The following HS2ST1 variants were observed in gnomAD, a reference collection of about 807,000 sequenced individuals.
HS2ST1 encodes heparan sulfate 2-O-sulfotransferase 1, also known as 2-O-sulfotransferase.
HS2ST1 carries 18 observed loss-of-function variants against 42.9 expected under a neutral mutation model. That is an observed-to-expected ratio of 0.42 (90% CI 0.29 to 0.62). The LOEUF is 0.62. Ranked by LOEUF, HS2ST1 falls within the 20% of genes least tolerant of loss-of-function variation. The probability of loss-of-function intolerance (pLI) is 0.21; values close to 1 mark genes in which losing one functional copy is unlikely to be tolerated. For synonymous variants in HS2ST1, 146 were observed against 152.9 expected, an observed-to-expected ratio of 0.95 and a Z score of 0.33; for missense variants, 334 against 433.8, an observed-to-expected ratio of 0.77 and a Z score of 2.04.
chr1:86,985,991 T>A (rs918043528), intron 1 of HS2ST1, among the ~76,000 whole-genome samples: 1 of 151,742 alleles, frequency 6.6e-6, no homozygotes, highest in Non-Finnish European at 1.5e-5. Flanking sequence ...TTGCTTGACA[T>A]GTTAATGTGA....
intron 1 of HS2ST1, among the ~76,000 whole-genome samples, chr1:87,041,901 T>C (rs1331440327): frequency 6.6e-6 from 1 of 152,212 alleles, no homozygotes; most frequent in Non-Finnish European, 1.5e-5. Flanking sequence ...TCATTGTACA[T>C]ATGGGAGTGC....
intron 1 of HS2ST1, among the ~76,000 whole-genome samples, chr1:87,041,111 G>T (rs1650509147): frequency 6.6e-6 from 1 of 150,706 alleles, no homozygotes; most frequent in East Asian, 1.9e-4. Flanking sequence ...TCTGATTGTT[G>T]TTTACTTTTT....
chr1:86,939,578 G>T (rs1001190815), intron 1 of HS2ST1, among the ~76,000 whole-genome samples: 2 of 152,198 alleles, frequency 1.3e-5, no homozygotes, highest in East Asian at 1.9e-4. Flanking sequence ...TAGGAATCAT[G>T]TTGGAAGATT....
chr1:87,059,615 G>A (rs929177418), intron 1 of HS2ST1, among the ~76,000 whole-genome samples: 37 of 152,172 alleles, frequency 2.4e-4, no homozygotes, highest in Admixed American at 2.4e-3. Flanking sequence ...AAAGAAAGAA[G>A]CCTTGAAGTC....
chr1:87,056,050 G>T (rs952545038), intron 1 of HS2ST1, among the ~76,000 whole-genome samples: 3 of 152,104 alleles, frequency 2.0e-5, no homozygotes, highest in Non-Finnish European at 4.4e-5. Flanking sequence ...GTTGAGGCTT[G>T]GTCCCCATTG....
intron 1 of HS2ST1, among the ~76,000 whole-genome samples, chr1:87,020,558 G>A (rs1461286167): frequency 2.6e-5 from 4 of 152,146 alleles, no homozygotes; most frequent in Admixed American, 6.6e-5. Context: ...CTTTAGGTCT[G>A]TATTAGTTTG....
chr1:87,088,288 T>A (rs1175142589), intron 3 of HS2ST1, among the ~76,000 whole-genome samples: 1 of 152,076 alleles, frequency 6.6e-6, no homozygotes, highest in South Asian at 2.1e-4. Flanking sequence ...CAAGTAATCT[T>A]GGACAACTTT....
At chr1:87,087,642 CAT>C (rs1651846739) in intron 3 of HS2ST1, among the ~76,000 whole-genome samples, 1 of 152,098 alleles carries the variant, frequency 6.6e-6, no homozygotes, top group Admixed American at 6.6e-5. Flanking sequence ...TATATAGAGT[CAT>C]GTGAGATTGT....
chr1:87,061,032 G>A (rs1651107263), intron 1 of HS2ST1, among the ~76,000 whole-genome samples: 1 of 151,866 alleles, frequency 6.6e-6, no homozygotes, highest in African/African-American at 2.4e-5. Flanking sequence ...AGAATGTTAA[G>A]GATTAACATA....
At chr1:86,948,730 A>G (rs953192310) in intron 1 of HS2ST1, among the ~76,000 whole-genome samples, 1 of 152,228 alleles carries the variant, frequency 6.6e-6, no homozygotes, top group Non-Finnish European at 1.5e-5. Context: ...TCCATTAACT[A>G]TTGGTTCCCT....
At chr1:86,972,804 C>T (rs945957267) in intron 1 of HS2ST1, among the ~76,000 whole-genome samples, 5 of 152,124 alleles carry the variant, frequency 3.3e-5, no homozygotes, top group African/African-American at 4.8e-5. Context: ...TTGAATTCCA[C>T]GTGTTTTTCT....
chr1:86,972,415 A>G (rs1418278212), intron 1 of HS2ST1, among the ~76,000 whole-genome samples: 1 of 152,044 alleles, frequency 6.6e-6, no homozygotes, highest in African/African-American at 2.4e-5. Context: ...GCAGTGGTGT[A>G]ATCATAGCTC....
intron 1 of HS2ST1, among the ~76,000 whole-genome samples, chr1:86,958,144 AG>A (rs1647728258): frequency 6.6e-6 from 1 of 152,202 alleles, no homozygotes; most frequent in Non-Finnish European, 1.5e-5. Context: ...TGAGAGGATC[AG>A]GGGCATCAGC....
chr1:87,031,132 G>A (rs1385876107), intron 1 of HS2ST1, among the ~76,000 whole-genome samples: 1 of 152,020 alleles, frequency 6.6e-6, no homozygotes, highest in Non-Finnish European at 1.5e-5. Flanking sequence ...GTGGTGACAG[G>A]GTTTTGCCAT....
intron 1 of HS2ST1, among the ~76,000 whole-genome samples, chr1:87,070,325 T>C (rs1269943797): frequency 6.6e-6 from 1 of 152,196 alleles, no homozygotes; most frequent in Non-Finnish European, 1.5e-5. Context: ...GTACAGTGGC[T>C]CACACCTACA....
At chr1:86,964,904 A>G (rs1003572545) in intron 1 of HS2ST1, among the ~76,000 whole-genome samples, 9 of 152,156 alleles carry the variant, frequency 5.9e-5, no homozygotes, top group Non-Finnish European at 8.8e-5. Context: ...AAGACTGATG[A>G]TGTCCCGTGT....
intron 3 of HS2ST1, among the ~76,000 whole-genome samples, chr1:87,091,691 A>G (rs1382444704): frequency 6.6e-6 from 1 of 151,990 alleles, no homozygotes; most frequent in East Asian, 1.9e-4. Context: ...ACAAATCAAA[A>G]TGACTTTGAA....
At chr1:86,955,311 G>A (rs535901553) in intron 1 of HS2ST1, among the ~76,000 whole-genome samples, 4 of 152,300 alleles carry the variant, frequency 2.6e-5, no homozygotes, top group African/African-American at 9.6e-5. Context: ...GTGAGGTGCA[G>A]GCCAGCATTA....
chr1:86,928,888 A>G (rs981590877), intron 1 of HS2ST1, among the ~76,000 whole-genome samples: 1 of 151,826 alleles, frequency 6.6e-6, no homozygotes, highest in African/African-American at 2.4e-5. Flanking sequence ...TGTCAGTGAT[A>G]CTCTCTGACT....
Sources: gnomAD v4.1 joint callset for allele counts (sites outside exome capture counted in the v4.1 genomes callset) on GRCh38, gnomAD v4.1.1 for gene constraint, MANE v1.5 for transcripts, NCBI Gene and HGNC (gene_info 2026-07-23, HGNC 2026-07-21) for gene names.